DPP10: variants seen among roughly 807,000 people sequenced by gnomAD.
DPP10 encodes inactive dipeptidyl peptidase 10.
Under a neutral mutation model 120.9 loss-of-function variants are expected in DPP10, and 33 were observed. The observed-to-expected ratio is 0.27, with a 90% CI of 0.21 to 0.37. The LOEUF (loss-of-function observed/expected upper bound fraction) is 0.37, where lower values mean the gene tolerates loss of function less well. DPP10 is among the 10% of genes least tolerant of loss of function. The probability of loss-of-function intolerance (pLI) is 1.00; values close to 1 mark genes in which losing one functional copy is unlikely to be tolerated. For synonymous variants in DPP10, 337 were observed against 326.1 expected (o/e 1.03, Z -0.36); for missense variants, 816 against 942.8 (o/e 0.87, Z 1.76).
chr2:115,601,754 A>C (rs1244159804), intron 5 of DPP10, among the ~76,000 whole-genome samples: 1 of 151,912 alleles, frequency 6.6e-6, no homozygotes, highest in African/African-American at 2.4e-5. Flanking sequence ...GCTCACTGCA[A>C]TCTCCGCCTC....
rs539311386 is a variant in DPP10 at position 114,447,534 on chromosome 2, G to T, written c.60+4696G>T. On this transcript the variant is annotated intron_variant, in intron 1 of 25. Transcript: ENST00000410059. ...CTCCAATGTCATTATTACAGTATAT[G>T]AAATTCTAAGTGGAAAGATTGTTAC... is the stretch of plus-strand genomic sequence containing the variant. Among the ~76,000 whole-genome samples, 12 of 152,256 alleles carry T rather than the reference G, an allele frequency of 7.9e-5. No homozygotes were observed. The South Asian group carries it at 2.5e-3, about 32-fold the overall frequency.
chr2:115,533,715 T>G (rs1412691180), intron 5 of DPP10, among the ~76,000 whole-genome samples: 1 of 151,912 alleles, frequency 6.6e-6, no homozygotes, highest in East Asian at 1.9e-4. Flanking sequence ...AAATACAAAC[T>G]CAAAGAAAGC....
intron 3 of DPP10, among the ~76,000 whole-genome samples, chr2:115,365,678 T>C (rs1263964785): frequency 1.3e-5 from 2 of 152,040 alleles, no homozygotes; most frequent in African/African-American, 4.8e-5. Flanking sequence ...TGCCATAAGG[T>C]ATTTAAGATG....
rs1486331793 is a variant in DPP10, at chr2:114,576,990, G to C, written c.60+134152G>C. ...TAATGGGTACGGCATGGTAAAAGGA[G>C]TACAGAAATTAAGAAGAGCAGGCAA... On this transcript the variant is annotated intron_variant, in intron 1 of 25. Coordinates refer to ENST00000410059, the MANE Select transcript of DPP10 (RefSeq NM_020868.6). 1.3e-5 allele frequency among the ~76,000 whole-genome samples: 2 copies of C among 152,082 alleles called. 1 individual carries two copies. Among genetic ancestry groups the C allele is most frequent in the South Asian group, 4.1e-4 (2 of 4,822 alleles).
rs543218496 is a variant in DPP10 at position 114,474,064 on chromosome 2, T to G, written c.60+31226T>G. ...CCTCCGCCTCCCAGGTTCAAGCTAT[T>G]CTCCCGCCTCAGCCTCCCGAGTAGC... On this transcript the variant is annotated intron_variant, in intron 1 of 25. Coordinates refer to ENST00000410059, the MANE Select transcript of DPP10 (RefSeq NM_020868.6). Among the ~76,000 whole-genome samples the G allele has an allele frequency of 3.9e-5, 6 of 152,256 alleles. No individual in the cohort carries two copies. In the South Asian group the frequency reaches 1.2e-3, roughly 32 times the overall value.
At chr2:115,815,787 C>G in intron 21 of DPP10, 58 bp downstream of exon 21, 2 of 1,455,648 alleles carry the variant, frequency 1.4e-6, no homozygotes. Context: ...ATGTAATATC[C>G]TATTACACAT....
At chr2:115,636,401 T>C (rs147171262) in intron 5 of DPP10, among the ~76,000 whole-genome samples, 1 of 152,212 alleles carries the variant, frequency 6.6e-6, no homozygotes, top group Non-Finnish European at 1.5e-5. Flanking sequence ...GTAACGTAGG[T>C]TGCATGTTGT....
chr2:114,807,685 T>C (rs1190418099), intron 1 of DPP10, among the ~76,000 whole-genome samples: 1 of 152,230 alleles, frequency 6.6e-6, no homozygotes, highest in East Asian at 1.9e-4. Flanking sequence ...TTTCTGCACA[T>C]AGTTTTGTTG....
intron 1 of DPP10, among the ~76,000 whole-genome samples, chr2:114,839,786 G>A (rs376057254): frequency 3.9e-5 from 6 of 152,038 alleles, no homozygotes; most frequent in African/African-American, 9.7e-5. Flanking sequence ...AAGATGCAAC[G>A]TCCTTGTTTA....
At chr2:114,528,852 T>C (rs563618293) in intron 1 of DPP10, among the ~76,000 whole-genome samples, 49 of 152,084 alleles carry the variant, frequency 3.2e-4, no homozygotes, top group Middle Eastern at 3.4e-3. Context: ...AGCCTACTGA[T>C]TTTGCCTCCA....
intron 2 of DPP10, among the ~76,000 whole-genome samples, chr2:115,322,720 A>T (rs919171733): frequency 4.6e-5 from 7 of 152,244 alleles, no homozygotes; most frequent in Admixed American, 2.6e-4. Context: ...AGAACACTGC[A>T]GTTAAACAAC....
intron 8 of DPP10, among the ~76,000 whole-genome samples, chr2:115,739,238 C>T (rs1370965292): frequency 4.0e-5 from 6 of 151,752 alleles, no homozygotes; most frequent in East Asian, 3.9e-4. Context: ...GACCAGAAAG[C>T]GGGAATCAAA....
chr2:114,994,287 T>C (rs577508326), intron 1 of DPP10, among the ~76,000 whole-genome samples: 3 of 152,216 alleles, frequency 2.0e-5, no homozygotes, highest in South Asian at 2.1e-4. Flanking sequence ...CTATGTAGAG[T>C]AGCATGGTAA....
At chr2:115,764,644 A>C (rs1044421548) in intron 12 of DPP10, among the ~76,000 whole-genome samples, 3 of 152,138 alleles carry the variant, frequency 2.0e-5, no homozygotes, top group African/African-American at 7.2e-5. Context: ...TATGCTATCT[A>C]ATTTTTAAAT....
At chr2:115,278,583 C>T (rs2060012123) in intron 1 of DPP10, among the ~76,000 whole-genome samples, 1 of 151,944 alleles carries the variant, frequency 6.6e-6, no homozygotes, top group African/African-American at 2.4e-5. Context: ...CAGGCTGCTT[C>T]TACTTATGGT....
chr2:115,790,624 T>C (rs1435476776), intron 17 of DPP10, among the ~76,000 whole-genome samples: 1 of 152,212 alleles, frequency 6.6e-6, no homozygotes, highest in African/African-American at 2.4e-5. Context: ...ATAATTTTCA[T>C]GTATTTCAGA....
At chr2:115,675,637 A>AT (rs1169990094) in intron 5 of DPP10, among the ~76,000 whole-genome samples, 5 of 152,172 alleles carry the variant, frequency 3.3e-5, no homozygotes, top group Non-Finnish European at 4.4e-5. Flanking sequence ...CAAAGCCCAC[A>AT]TTTTGACAAC....
At chr2:114,809,527 G>T (rs1685008933) in intron 1 of DPP10, among the ~76,000 whole-genome samples, 1 of 152,150 alleles carries the variant, frequency 6.6e-6, no homozygotes, top group Non-Finnish European at 1.5e-5. Context: ...GCAGTAAGTG[G>T]AGTCTTTAAA....
intron 1 of DPP10, among the ~76,000 whole-genome samples, chr2:115,005,119 A>T (rs1558979818): frequency 6.6e-6 from 1 of 151,770 alleles, no homozygotes; most frequent in Non-Finnish European, 1.5e-5. Flanking sequence ...CTGACACCTC[A>T]CACTGCAGGG....
Sources: allele counts gnomAD v4.1 joint callset (sites outside exome capture counted in the v4.1 genomes callset), GRCh38; gene constraint gnomAD v4.1.1; transcripts MANE v1.5; gene names NCBI Gene and HGNC (gene_info 2026-07-23, HGNC 2026-07-21).